The following SLC25A31 variants were observed in gnomAD, a reference collection of about 807,000 sequenced individuals.
SLC25A31 encodes ADP/ATP translocase 4.
In SLC25A31, 40 loss-of-function variants were observed where a neutral mutation model predicts 36.2. The ratio of observed to expected loss-of-function variants is 1.10; its 90% CI spans 0.86 to 1.44. SLC25A31 has a LOEUF of 1.44. Ranked by LOEUF, SLC25A31 falls within the 40% of genes most tolerant of loss-of-function variation. The pLI, the probability that SLC25A31 is intolerant of heterozygous loss-of-function variation, is 0.00. For missense variants in SLC25A31, 350 were observed against 397.1 expected (o/e 0.88, Z 1.01); for synonymous variants, 143 against 149.7 (o/e 0.96, Z 0.32).
chr4:127,748,296 C>G (rs1240685166), intron 2 of SLC25A31, among the ~76,000 whole-genome samples: 2 of 152,196 alleles, frequency 1.3e-5, no homozygotes, highest in Non-Finnish European at 2.9e-5. Flanking sequence ...TCATTTGCAG[C>G]CTGAGAGCAT....
intron 1 of SLC25A31, among the ~76,000 whole-genome samples, chr4:127,733,265 A>C (rs928492923): frequency 1.3e-5 from 2 of 152,230 alleles, no homozygotes; most frequent in Non-Finnish European, 2.9e-5. Flanking sequence ...TCATTTATAC[A>C]GGTTGAGTAT....
rs762633777 is a variant in SLC25A31, at chr4:127,744,671, G to C, written c.233-1G>C. Reference sequence around the variant, plus strand: ...ATGTATTTATATGTTTCCCTCTGTAGGTTTCTTCAGTTTTTGGCGTGGCAA... The same window carrying C: ...ATGTATTTATATGTTTCCCTCTGTACGTTTCTTCAGTTTTTGGCGTGGCAA... On this transcript the variant is annotated splice_acceptor_variant, in intron 1 of 5. Coordinates refer to ENST00000281154, the MANE Select transcript of SLC25A31 (RefSeq NM_031291.4). LOFTEE classifies it high-confidence loss of function. 1.2e-5 allele frequency: 19 copies of C among 1,591,392 alleles called. No individual in the cohort carries two copies. Among genetic ancestry groups the C allele is most frequent in the Non-Finnish European group, 1.5e-5 (18 of 1,170,648 alleles).
Position 127,744,665 on chromosome 4 carries a change from T to C in SLC25A31, c.233-7T>C. ...AGGTTTATGTATTTATATGTTTCCCTCTGTAGGTTTCTTCAGTTTTTGGCG... is the reference window on the plus strand; with the variant it reads ...AGGTTTATGTATTTATATGTTTCCCCCTGTAGGTTTCTTCAGTTTTTGGCG... On this transcript the variant is annotated splice_region_variant and splice_polypyrimidine_tract_variant and intron_variant, in intron 1 of 5. Transcript: ENST00000281154. 1 of 1,590,034 alleles carries C rather than the reference T, an allele frequency of 6.3e-7. No homozygotes were observed. Among genetic ancestry groups the C allele is most frequent in the Non-Finnish European group, 8.5e-7 (1 of 1,170,292 alleles).
At position 127,764,283 on chromosome 4, in the gene SLC25A31, C is replaced by T. The variant is rs776726968; in HGVS notation, c.401C>T (p.Ala134Val). 1 of 1,613,836 alleles carries T rather than the reference C, an allele frequency of 6.2e-7. No homozygotes were observed. Among genetic ancestry groups the T allele is most frequent in the South Asian group, 1.1e-5 (1 of 91,048 alleles). Residue 134 changes from alanine to valine, a missense_variant, in exon 3 of 6, where the codon GCT becomes GTT. Physicochemically the swap from Ala to Val is moderately conservative, Grantham distance 64. Coordinates refer to ENST00000281154, the MANE Select transcript of SLC25A31 (RefSeq NM_031291.4). ...TTGGCAAACCTGGCTTCTGGTGGAG[C>T]TGCTGGGGCAACATCCTTATGTGTA... ...WFLANLASGG[A>V]AGATSLCVVY... is the part of the protein sequence containing the mutation.
chr4:127,770,988 A>ACTG (rs1046635381), intron 5 of SLC25A31, among the ~76,000 whole-genome samples: 31 of 122,296 alleles, frequency 2.5e-4, no homozygotes, highest in African/African-American at 9.6e-4. Flanking sequence ...ATGGAGTCTC[A>ACTG]CTGTGTCGCC....
In SLC25A31 at chr4:127,730,662, G is replaced by A. The variant is rs1193922470; in HGVS notation, c.117G>A (p.Ala39=). 11 of 1,613,764 alleles carry A rather than the reference G, an allele frequency of 6.8e-6. No homozygotes were observed. Among genetic ancestry groups the A allele is most frequent in the African/African-American group, 1.3e-5 (1 of 74,934 alleles). ...CAGCTGTGTCCAAGACAGCGGTGGC[G>A]CCCATCGAGCGGGTGAAGCTGCTGC... The part of the protein sequence containing the change: ...VAAAVSKTAV[A]PIERVKLLLQ... Residue 39 remains alanine (A), a synonymous_variant, in exon 1 of 6, where the codon GCG becomes GCA. Transcript: ENST00000281154.
At chr4:127,762,018 AGT>A (rs1732150028) in intron 2 of SLC25A31, among the ~76,000 whole-genome samples, 1 of 152,190 alleles carries the variant, frequency 6.6e-6, no homozygotes, top group Non-Finnish European at 1.5e-5. Context: ...AAAACTGATG[AGT>A]GTTACTTAAA....
chr4:127,735,901 T>A (rs1417451644), intron 1 of SLC25A31, among the ~76,000 whole-genome samples: 24 of 142,640 alleles, frequency 1.7e-4, no homozygotes, highest in African/African-American at 6.1e-4. Flanking sequence ...TATTTATTTT[T>A]TTTTTTGAGA....
intron 2 of SLC25A31, among the ~76,000 whole-genome samples, chr4:127,750,988 A>G (rs980680702): frequency 7.2e-5 from 11 of 152,342 alleles, no homozygotes; most frequent in Non-Finnish European, 1.0e-4. Flanking sequence ...TCAGTTGCCT[A>G]TAAGAGGCTT....
At chr4:127,744,826 T>G in intron 2 of SLC25A31, 27 bp downstream of exon 2, 1 of 1,370,694 alleles carries the variant, frequency 7.3e-7, no homozygotes. Context: ...TTTACTTTTT[T>G]CTTCCAATAT....
chr4:127,731,983 T>C (rs1452285490), intron 1 of SLC25A31, among the ~76,000 whole-genome samples: 1 of 152,176 alleles, frequency 6.6e-6, no homozygotes, highest in Non-Finnish European at 1.5e-5. Flanking sequence ...TCATCATTGA[T>C]TTTTTCTATT....
chr4:127,749,319 T>C (rs1731882461), intron 2 of SLC25A31, among the ~76,000 whole-genome samples: 1 of 151,954 alleles, frequency 6.6e-6, no homozygotes, highest in Non-Finnish European at 1.5e-5. Context: ...CAGTACACAA[T>C]GAAGAAAAAG....
intron 2 of SLC25A31, among the ~76,000 whole-genome samples, chr4:127,755,982 G>A (rs957883658): frequency 4.0e-5 from 6 of 151,384 alleles, no homozygotes; most frequent in African/African-American, 1.2e-4. Context: ...GCAGTGAGCC[G>A]AGATCGCGCC....
intron 4 of SLC25A31, 114 bp from the exon 5 acceptor site, chr4:127,768,638 A>T: frequency 1.2e-6 from 1 of 844,560 alleles, no homozygotes; most frequent in East Asian, 2.9e-5. Flanking sequence ...TTTTTATTGC[A>T]TTTTAAGTAT....
chr4:127,763,936 C>T (rs1732189734), intron 2 of SLC25A31, among the ~76,000 whole-genome samples: 3 of 151,942 alleles, frequency 2.0e-5, no homozygotes, highest in African/African-American at 4.8e-5. Flanking sequence ...AAGTATACAG[C>T]GTAAAGAGAT....
At position 127,730,428 on chromosome 4, in the gene SLC25A31, A is replaced by G. The variant is rs1366659239; in HGVS notation, c.-118A>G. 2.6e-6 allele frequency: 3 copies of G among 1,140,290 alleles called. No individual in the cohort carries two copies. Among genetic ancestry groups the G allele is most frequent in the South Asian group, 3.1e-5 (2 of 64,612 alleles). The allele number at this position is 1,140,290 out of a possible 1,614,324, so 70.6% of individuals were successfully genotyped here. A position where few individuals can be genotyped will look rare whatever the true frequency, so the allele number is the denominator to read the frequency against. ...GGCGCGCGGCTCTCTCAGCGTCCCA[A>G]GAGCCACTTTCTCGCCAGTACGATG... On this transcript the variant is annotated 5_prime_UTR_variant, in exon 1 of 6. Coordinates refer to ENST00000281154, the MANE Select transcript of SLC25A31 (RefSeq NM_031291.4).
chr4:127,740,368 A>G (rs148209095), intron 1 of SLC25A31, among the ~76,000 whole-genome samples: 16 of 152,014 alleles, frequency 1.1e-4, no homozygotes, highest in African/African-American at 1.7e-4. Context: ...ACTGTAGACA[A>G]TGTTGGACAG....
chr4:127,767,020 T>C, intron 3 of SLC25A31, 46 bp from the exon 4 acceptor site: 2 of 1,485,170 alleles, frequency 1.3e-6, no homozygotes, highest in East Asian at 2.4e-5. Context: ...AAAGTGTTTA[T>C]TGGATATATA....
chr4:127,744,895 A>T, intron 2 of SLC25A31, 96 bp downstream of exon 2: 1 of 973,828 alleles, frequency 1.0e-6, no homozygotes, highest in Non-Finnish European at 1.4e-6. Context: ...CACTATCTCT[A>T]AAATTTTCTT....
Sources: allele counts gnomAD v4.1 joint callset (sites outside exome capture counted in the v4.1 genomes callset), GRCh38; gene constraint gnomAD v4.1.1; transcripts MANE v1.5; gene names NCBI Gene and HGNC (gene_info 2026-07-23, HGNC 2026-07-21).